NAALADL2: variants seen among roughly 807,000 people sequenced by gnomAD.
The protein encoded by NAALADL2 is N-acetylated alpha-linked acidic dipeptidase like 2, also known as inactive N-acetylated-alpha-linked acidic dipeptidase-like protein 2.
In NAALADL2, 76 loss-of-function variants were observed where a neutral mutation model predicts 87.2. The observed-to-expected ratio is 0.87, with a 90% CI of 0.72 to 1.05. The LOEUF is 1.05. Ranked by LOEUF, NAALADL2 falls within the 50% of genes least tolerant of loss-of-function variation. NAALADL2 has a pLI of 0.00. For synonymous variants in NAALADL2, 354 were observed against 331.0 expected, an observed-to-expected ratio of 1.07 and a Z score of -0.75; for missense variants, 1,089 against 945.8, an observed-to-expected ratio of 1.15 and a Z score of -1.99.
chr3:174,588,329 C>G (rs907661994), intron 2 of NAALADL2, among the ~76,000 whole-genome samples: 2 of 152,080 alleles, frequency 1.3e-5, no homozygotes, highest in South Asian at 4.2e-4. Flanking sequence ...TCCTTTAGCT[C>G]GGAGAAGTTT....
intron 9 of NAALADL2, among the ~76,000 whole-genome samples, chr3:175,555,811 A>G (rs1715173975): frequency 6.6e-6 from 1 of 152,172 alleles, no homozygotes; most frequent in Non-Finnish European, 1.5e-5. Context: ...AAGGAGCACA[A>G]TCTTGTCTAA....
Position 175,664,950 on chromosome 3 carries a change from T to C in NAALADL2, c.1896+37564T>C, listed in dbSNP as rs145809983. Among the ~76,000 whole-genome samples the C allele has an allele frequency of 1.5e-3, 236 of 152,308 alleles. 1 individual carries two copies. The highest frequency in any genetic ancestry group is 5.3e-3 in the African/African-American group (220 of 41,574). On this transcript the variant is annotated intron_variant, in intron 11 of 13. Coordinates refer to ENST00000454872, the MANE Select transcript of NAALADL2 (RefSeq NM_207015.3). Reference sequence around the variant, plus strand: ...ACACAGTGAATTTCTCCCTCTTCATTTTGATGGTCCCTTAACTTGTATTTT... The same window carrying C: ...ACACAGTGAATTTCTCCCTCTTCATCTTGATGGTCCCTTAACTTGTATTTT...
At chr3:175,312,188 C>G (rs115106518) in intron 4 of NAALADL2, among the ~76,000 whole-genome samples, 2 of 152,006 alleles carry the variant, frequency 1.3e-5, no homozygotes, top group African/African-American at 2.4e-5. Context: ...GAAAGGATAA[C>G]GTAATATTTG....
At chr3:174,835,018 T>C (rs1350586963) in intron 3 of NAALADL2, among the ~76,000 whole-genome samples, 1 of 151,384 alleles carries the variant, frequency 6.6e-6, no homozygotes, top group Admixed American at 6.6e-5. Flanking sequence ...GCAAAGAAAT[T>C]TGGAAACTTA....
intron 1 of NAALADL2, among the ~76,000 whole-genome samples, chr3:174,476,796 A>G (rs1251624657): frequency 6.6e-6 from 1 of 152,104 alleles, no homozygotes; most frequent in East Asian, 1.9e-4. Flanking sequence ...ATCAGAGGAT[A>G]TGTAGTTATG....
intron 2 of NAALADL2, among the ~76,000 whole-genome samples, chr3:174,669,166 G>A (rs1454231159): frequency 1.3e-5 from 2 of 152,066 alleles, no homozygotes; most frequent in Non-Finnish European, 2.9e-5. Context: ...TTCTCTGATG[G>A]CCAGTGATGA....
At chr3:175,231,544 A>G (rs973489848) in intron 2 of NAALADL2, among the ~76,000 whole-genome samples, 4 of 152,078 alleles carry the variant, frequency 2.6e-5, no homozygotes, top group Non-Finnish European at 4.4e-5. Context: ...TAAAAGAAGT[A>G]TTTCATTTGC....
At chr3:175,327,820 T>A (rs1184161938) in intron 5 of NAALADL2, among the ~76,000 whole-genome samples, 5 of 152,148 alleles carry the variant, frequency 3.3e-5, no homozygotes, top group Admixed American at 3.3e-4. Context: ...TCATTAAAAG[T>A]CTATGTGAAT....
At chr3:174,787,631 C>T (rs1485414983) in intron 3 of NAALADL2, among the ~76,000 whole-genome samples, 1 of 40,392 alleles carries the variant, frequency 2.5e-5, no homozygotes, top group African/African-American at 8.5e-5. Flanking sequence ...AGTAGTGACT[C>T]TCCCATTTAT....
chr3:174,823,023 C>T (rs948562668), intron 3 of NAALADL2, among the ~76,000 whole-genome samples: 13 of 152,246 alleles, frequency 8.5e-5, no homozygotes, highest in South Asian at 8.3e-4. Flanking sequence ...TATAATATTT[C>T]GGTATACATT....
intron 2 of NAALADL2, among the ~76,000 whole-genome samples, chr3:174,660,848 T>G (rs1192125746): frequency 1.3e-5 from 2 of 152,072 alleles, no homozygotes; most frequent in Admixed American, 1.3e-4. Context: ...GGACCCAGAG[T>G]ACCTTTTATA....
rs1210319269 is a variant in NAALADL2 at position 174,987,814 on chromosome 3, A to T, written c.44-108976A>T. 5.9e-5 allele frequency among the ~76,000 whole-genome samples: 8 copies of T among 136,722 alleles called. 1 individual carries two copies. The highest frequency in any genetic ancestry group is 1.8e-4 in the African/African-American group (6 of 33,742). 89.7% of individuals were successfully genotyped at this position (136,722 alleles called of 152,430 possible). On this transcript the variant is annotated intron_variant, in intron 1 of 13. Coordinates refer to ENST00000454872, the MANE Select transcript of NAALADL2 (RefSeq NM_207015.3). ...GTTAATTATATATATATATATAATT[A>T]TATATATATATATAATGAGACCTTG...
chr3:174,669,884 C>G (rs187862227), intron 2 of NAALADL2, among the ~76,000 whole-genome samples: 344 of 152,004 alleles, frequency 2.3e-3, no homozygotes, highest in Non-Finnish European at 4.0e-3. Flanking sequence ...AATGTCCTTT[C>G]TCTTATTTGT....
At chr3:175,110,429 C>G (rs1405642762) in intron 2 of NAALADL2, among the ~76,000 whole-genome samples, 1 of 151,764 alleles carries the variant, frequency 6.6e-6, no homozygotes, top group African/African-American at 2.4e-5. Context: ...TCAATTTATA[C>G]TGCAATTTCA....
At position 174,562,739 on chromosome 3, in the gene NAALADL2, A is replaced by G. The variant is rs1213635956; in HGVS notation, c.-115+12102A>G. ...ACAGGAGCATACAATTTTGTTTGGCATCTTGTGATGCCAAACAAAATCATG... is the reference window on the plus strand; with the variant it reads ...ACAGGAGCATACAATTTTGTTTGGCGTCTTGTGATGCCAAACAAAATCATG... On this transcript the variant is annotated intron_variant, in intron 2 of 3. Coordinates refer to the NAALADL2 transcript ENST00000434257. 4.6e-5 allele frequency among the ~76,000 whole-genome samples: 7 copies of G among 151,860 alleles called. No individual in the cohort carries two copies. The East Asian group carries it at 1.2e-3, about 25-fold the overall frequency.
chr3:174,889,344 G>T (rs1306908610), intron 1 of NAALADL2, among the ~76,000 whole-genome samples: 2 of 151,996 alleles, frequency 1.3e-5, no homozygotes, highest in South Asian at 4.1e-4. Flanking sequence ...TCTTTTAACT[G>T]CTTCTCTTTT....
At chr3:174,519,429 A>G (rs1229491459) in intron 1 of NAALADL2, among the ~76,000 whole-genome samples, 3 of 151,508 alleles carry the variant, frequency 2.0e-5, no homozygotes, top group Admixed American at 6.6e-5. Flanking sequence ...CCTGGGTTCA[A>G]GTGATTCTAC....
At chr3:175,763,171 C>G (rs540909599) in intron 13 of NAALADL2, among the ~76,000 whole-genome samples, 12 of 152,190 alleles carry the variant, frequency 7.9e-5, no homozygotes, top group African/African-American at 2.9e-4. Context: ...CTCTAAATGA[C>G]AAACTTTTTC....
Position 175,653,802 on chromosome 3 carries a change from G to A in NAALADL2, c.1896+26416G>A, listed in dbSNP as rs146388324. ...GGGGTTTTCCTTTCCATAGAGTACT[G>A]TGTATAATGAGCCTTAAAATTTTGT... is the stretch of plus-strand genomic sequence containing the variant. On this transcript the variant is annotated intron_variant, in intron 11 of 13. Coordinates refer to ENST00000454872, the MANE Select transcript of NAALADL2 (RefSeq NM_207015.3). 7.8e-3 allele frequency among the ~76,000 whole-genome samples: 1,180 copies of A among 152,216 alleles called. 6 individuals carry two copies. The highest frequency in any genetic ancestry group is 0.014 in the Non-Finnish European group (959 of 68,016).
Sources: allele counts gnomAD v4.1 joint callset (sites outside exome capture counted in the v4.1 genomes callset), GRCh38; gene constraint gnomAD v4.1.1; transcripts MANE v1.5; gene names NCBI Gene and HGNC (gene_info 2026-07-23, HGNC 2026-07-21).